OVCH2: variants seen among roughly 807,000 people sequenced by gnomAD.
OVCH2 encodes ovochymase-2.
OVCH2 carries 88 observed loss-of-function variants against 73.7 expected under a neutral mutation model. The observed-to-expected ratio is 1.19, with a 90% confidence interval of 1.01 to 1.43. OVCH2 has a LOEUF of 1.43. Ranked by LOEUF, OVCH2 falls within the 40% of genes most tolerant of loss-of-function variation. OVCH2 has a pLI of 0.00. For missense variants in OVCH2, 706 were observed against 674.5 expected (o/e 1.05, Z -0.52); for synonymous variants, 265 against 234.5 (o/e 1.13, Z -1.19).
Position 7,701,544 on chromosome 11 carries a change from T to C in OVCH2, c.560-69A>G, listed in dbSNP as rs963162742. ...CCTTTCTGAGTTGAAGATGCATCATTTGTGTTTGTGTCGCTTGGCAAGACT... is the reference window on the plus strand; with the variant it reads ...CCTTTCTGAGTTGAAGATGCATCATCTGTGTTTGTGTCGCTTGGCAAGACT... On this transcript the variant is annotated intron_variant, in intron 5 of 15. Coordinates refer to ENST00000533663, the MANE Select transcript of OVCH2 (RefSeq NM_198185.7). 1.9e-6 allele frequency: 3 copies of C among 1,549,184 alleles called. No individual in the cohort carries two copies. The African/African-American group carries it at 4.1e-5, about 21-fold the overall frequency.
At position 7,704,506 on chromosome 11, in the gene OVCH2, A is replaced by G. The variant is rs1856497474; in HGVS notation, c.198+59T>C. On this transcript the variant is annotated intron_variant, in intron 2 of 15. Transcript: ENST00000533663. ...CAAAGATATAAACTTAACCTTAAAA[A>G]TATCTATATCCATAATATCTAGCAC... The G allele has an allele frequency of 4.9e-6, 6 of 1,218,330 alleles. No homozygotes were observed. The East Asian group carries it at 7.6e-5, about 15-fold the overall frequency. 75.5% of individuals were successfully genotyped at this position (1,218,330 alleles called of 1,614,324 possible).
chr11:7,694,193 G>A (rs989004043), intron 12 of OVCH2, among the ~76,000 whole-genome samples: 1 of 152,080 alleles, frequency 6.6e-6, no homozygotes, highest in Admixed American at 6.5e-5. Flanking sequence ...ATGAGAAAAT[G>A]CCTCATTCCA....
At chr11:7,692,823 A>C (rs75162144) in intron 12 of OVCH2, among the ~76,000 whole-genome samples, 6,920 of 152,332 alleles carry the variant, frequency 0.045, 195 homozygotes, top group Admixed American at 0.062. Context: ...CCAAGAATAA[A>C]TCATGACAAA....
chr11:7,691,231 A>T (rs193017823), intron 14 of OVCH2, 38 bp downstream of exon 14: 1 of 1,565,666 alleles, frequency 6.4e-7, no homozygotes, highest in Non-Finnish European at 8.7e-7. Context: ...CAAGGATTAG[A>T]ACTGGGAACC....
At chr11:7,681,694 G>C in the OVCH2 span, among the ~76,000 whole-genome samples, 1 of 152,100 alleles carries the variant, frequency 6.6e-6, no homozygotes, top group African/African-American at 2.4e-5. Flanking sequence ...AGAAGGAATT[G>C]CTTGTGAGTT....
chr11:7,687,255 C>CA (rs1344386457), downstream of OVCH2, among the ~76,000 whole-genome samples: 1 of 151,012 alleles, frequency 6.6e-6, no homozygotes, highest in East Asian at 1.9e-4. Context: ...CGCAAATTGT[C>CA]AAAAAAATAT....
Position 7,700,396 on chromosome 11 carries a change from T to C in OVCH2, c.801A>G (p.Arg267=), listed in dbSNP as rs369506713. The change falls in exon 7 of 16, where the codon CGA becomes CGG. Residue 267 remains arginine (R), a synonymous_variant. Transcript: ENST00000533663. ...GVTSWGLGCG[R]GWRNNVRKSD... ...TTTTCCTCACATTGTTTCTCCAGCC[T>C]CGACCACAGCCCAAACCCCAGGAAG... 29 of 1,613,266 alleles carry C rather than the reference T, an allele frequency of 1.8e-5. No individual in the cohort carries two copies. The African/African-American group carries it at 3.6e-4, about 20-fold the overall frequency.
At chr11:7,682,786 G>A in the OVCH2 span, among the ~76,000 whole-genome samples, 2 of 152,084 alleles carry the variant, frequency 1.3e-5, no homozygotes, top group Non-Finnish European at 2.9e-5. Flanking sequence ...ACCTTCTCTT[G>A]ACTTCCTTAT....
chr11:7,702,340 CAA>C lies in OVCH2; in HGVS notation c.291-13_291-12del, dbSNP rs775623332. On this transcript the variant is annotated splice_polypyrimidine_tract_variant and intron_variant, in intron 3 of 15. Transcript: ENST00000533663. ...GTAGACACAATGTTTCTATGGAAAG[CAA>C]AGAGTAAAATGAATGAATTTCATTG... is the stretch of plus-strand genomic sequence containing the variant. The C allele has an allele frequency of 5.7e-6, 9 of 1,569,606 alleles. No homozygotes were observed. Among genetic ancestry groups the C allele is most frequent in the Non-Finnish European group, 7.7e-6 (9 of 1,161,682 alleles).
chr11:7,690,367 T>C (rs1200475654), intron 14 of OVCH2, among the ~76,000 whole-genome samples: 2 of 152,242 alleles, frequency 1.3e-5, no homozygotes, highest in Non-Finnish European at 2.9e-5. Flanking sequence ...CTCTGTTATG[T>C]ACTGCACACT....
chr11:7,695,325 C>A, intron 11 of OVCH2, 137 bp from the exon 12 acceptor site: 1 of 1,116,198 alleles, frequency 9.0e-7, no homozygotes, highest in Non-Finnish European at 1.3e-6. Flanking sequence ...AGACGTAGTG[C>A]ATGATTCTCC....
chr11:7,696,867 A>C, intron 8 of OVCH2, 68 bp from the exon 9 acceptor site: 1 of 1,425,380 alleles, frequency 7.0e-7, no homozygotes. Flanking sequence ...CTCCCTCCAG[A>C]AGCTGCAAAC....
intron 3 of OVCH2, 89 bp downstream of exon 3, chr11:7,703,609 G>C: frequency 9.7e-7 from 1 of 1,035,648 alleles, no homozygotes; most frequent in Non-Finnish European, 1.4e-6. Flanking sequence ...CTATCACACA[G>C]GTCCATGTTT....
chr11:7,704,604 A>G lies in OVCH2; in HGVS notation c.159T>C (p.Leu53=), dbSNP rs776018622. 6 of 1,612,798 alleles carry G rather than the reference A, an allele frequency of 3.7e-6. 1 individual carries two copies. The highest frequency in any genetic ancestry group is 4.2e-6 in the Non-Finnish European group (5 of 1,179,452). Reference sequence around the variant, plus strand: ...AACCCTTCTCCACTTGGCTTCCTCCAAGAATGCGACTGAAAATGTTAAAAT... The same window carrying G: ...AACCCTTCTCCACTTGGCTTCCTCCGAGAATGCGACTGAAAATGTTAAAAT... ...WNYFNIFSRI[L]GGSQVEKGSY... The change falls in exon 2 of 16, where the codon CTT becomes CTC. Residue 53 remains leucine, a synonymous_variant. Coordinates refer to ENST00000533663, the MANE Select transcript of OVCH2 (RefSeq NM_198185.7).
intron 1 of OVCH2, among the ~76,000 whole-genome samples, chr11:7,705,123 G>T (rs372381394): frequency 2.0e-5 from 3 of 152,224 alleles, no homozygotes; most frequent in African/African-American, 7.2e-5. Flanking sequence ...TTTGAAGGAG[G>T]ATTAGAACTA....
At position 7,701,224 on chromosome 11, in the gene OVCH2, C is replaced by A. The variant is rs1200862259; in HGVS notation, c.711+100G>T. On this transcript the variant is annotated intron_variant, in intron 6 of 15. Transcript: ENST00000533663. ...TTATTCTACCCCTCCAATATGCTTT[C>A]TAATTAAATTAAATTTCACTGAAAT... 4 of 1,399,804 alleles carry A rather than the reference C, an allele frequency of 2.9e-6. No homozygotes were observed. In the African/African-American group the frequency reaches 5.8e-5, roughly 20 times the overall value. The allele number at this position is 1,399,804 out of a possible 1,614,324, so 86.7% of individuals were successfully genotyped here. A position where few individuals can be genotyped will look rare whatever the true frequency, so the allele number is the denominator to read the frequency against.
At chr11:7,696,951 T>C in intron 8 of OVCH2, 152 bp from the exon 9 acceptor site, 2 of 691,574 alleles carry the variant, frequency 2.9e-6, no homozygotes, top group East Asian at 2.7e-5. Flanking sequence ...GCTTCTATGA[T>C]GCCTTTTTGG....
the OVCH2 span, among the ~76,000 whole-genome samples, chr11:7,679,714 G>A: frequency 6.6e-6 from 1 of 152,138 alleles, no homozygotes. Context: ...GATGTTCTTT[G>A]TAGCAGTATG....
chr11:7,688,720 T>A (rs1019956900), downstream of OVCH2, among the ~76,000 whole-genome samples: 2 of 152,212 alleles, frequency 1.3e-5, no homozygotes, highest in Non-Finnish European at 2.9e-5. Flanking sequence ...CCCCACCTCA[T>A]CTTCTGCCTG....
Sources: allele counts gnomAD v4.1 joint callset (sites outside exome capture counted in the v4.1 genomes callset), GRCh38; gene constraint gnomAD v4.1.1; transcripts MANE v1.5; gene names NCBI Gene and HGNC (gene_info 2026-07-23, HGNC 2026-07-21).